The following TBC1D30 variants were observed in gnomAD, a reference collection of about 807,000 sequenced individuals.
TBC1D30 encodes TBC1 domain family member 30, also known as TBC1 domain family, member 30.
In TBC1D30, 31 loss-of-function variants were observed where a neutral mutation model predicts 63.2. The observed-to-expected ratio is 0.49, with a 90% confidence interval of 0.37 to 0.66. The LOEUF (loss-of-function observed/expected upper bound fraction) is 0.66. TBC1D30 is among the 30% of genes least tolerant of loss of function. TBC1D30 has a pLI of 0.00. For synonymous variants in TBC1D30, 307 were observed against 361.5 expected, an observed-to-expected ratio of 0.85 and a Z score of 1.71; for missense variants, 810 against 953.6, an observed-to-expected ratio of 0.85 and a Z score of 1.98.
At chr12:64,865,690 TA>T (rs1376269481) in intron 9 of TBC1D30, among the ~76,000 whole-genome samples, 8 of 152,156 alleles carry the variant, frequency 5.3e-5, no homozygotes, top group Non-Finnish European at 1.0e-4. Flanking sequence ...ACCCTGTCTC[TA>T]AAAAAATTAC....
At chr12:64,815,917 C>T (rs1254292724) in intron 2 of TBC1D30, among the ~76,000 whole-genome samples, 2 of 151,860 alleles carry the variant, frequency 1.3e-5, no homozygotes, top group African/African-American at 4.8e-5. Context: ...GGTACGATAG[C>T]CATGTACCAC....
Position 64,828,425 on chromosome 12 carries a change from A to T in TBC1D30, c.217-19A>T, listed in dbSNP as rs1310942489. The T allele has an allele frequency of 6.5e-7, 1 of 1,530,440 alleles. No individual in the cohort carries two copies. Among genetic ancestry groups the T allele is most frequent in the East Asian group, 2.4e-5 (1 of 40,876 alleles). 94.8% of individuals were successfully genotyped at this position (1,530,440 alleles called of 1,614,324 possible). ...TAGGTCACTGTGATCACCTCCTGGG[A>T]TTTCTTCTTTGTTCCTAGTGGTACG... is the stretch of plus-strand genomic sequence containing the variant. On this transcript the variant is annotated intron_variant, in intron 2 of 11. Coordinates refer to ENST00000539867, the MANE Select transcript of TBC1D30 (RefSeq NM_015279.2).
At position 64,880,570 on chromosome 12, in the gene TBC1D30, G is replaced by A. The variant is rs1399473429; in HGVS notation, c.*4782G>A. 6.6e-6 allele frequency: 1 copy of A among 152,198 alleles called. No individual in the cohort carries two copies. The highest frequency in any genetic ancestry group is 1.9e-4 in the East Asian group (1 of 5,198). 9.4% of individuals were successfully genotyped at this position (152,198 alleles called of 1,614,324 possible). On this transcript the variant is annotated 3_prime_UTR_variant, in exon 12 of 12. Transcript: ENST00000539867. ...GATAAGGGCACTAACCTCATCATGA[G>A]GGTCCCATCCTCCTGGTGTCATCTA...
intron 8 of TBC1D30, among the ~76,000 whole-genome samples, chr12:64,851,126 T>C (rs1015928132): frequency 6.6e-6 from 1 of 152,246 alleles, no homozygotes; most frequent in Non-Finnish European, 1.5e-5. Flanking sequence ...ATTTCCTGTA[T>C]CATTTTTTAT....
At chr12:64,780,779 C>T (rs1871226540) in exon 1 of TBC1D30, 3 of 988,932 alleles carry the variant, frequency 3.0e-6, no homozygotes, top group Non-Finnish European at 3.6e-6. Context: ...GGAGGAGCAG[C>T]GGGAGCCGGG....
At chr12:64,870,214 T>C (rs986455670) in intron 10 of TBC1D30, among the ~76,000 whole-genome samples, 4 of 152,238 alleles carry the variant, frequency 2.6e-5, no homozygotes, top group African/African-American at 9.6e-5. Context: ...CAATTCTGTA[T>C]AAATCCTCAT....
intron 8 of TBC1D30, among the ~76,000 whole-genome samples, chr12:64,856,167 G>C (rs762547477): frequency 6.6e-6 from 1 of 151,964 alleles, no homozygotes; most frequent in Non-Finnish European, 1.5e-5. Flanking sequence ...AGTTAGATGG[G>C]GGGGGTGGGG....
At chr12:64,788,809 G>GT (rs1410629541) in intron 2 of TBC1D30, among the ~76,000 whole-genome samples, 2 of 152,074 alleles carry the variant, frequency 1.3e-5, no homozygotes, top group Non-Finnish European at 2.9e-5. Flanking sequence ...GGAACAGAAT[G>GT]TTTTTTGGTA....
upstream of TBC1D30, among the ~76,000 whole-genome samples, chr12:64,776,183 A>T (rs992168004): frequency 1.3e-5 from 2 of 152,118 alleles, no homozygotes; most frequent in African/African-American, 4.8e-5. Flanking sequence ...CAAGTTAACA[A>T]CCTAATATCA....
chr12:64,879,528 C>A lies in TBC1D30; in HGVS notation c.*3740C>A, dbSNP rs1879321628. The A allele has an allele frequency of 6.6e-6, 1 of 152,160 alleles. No homozygotes were observed. The highest frequency in any genetic ancestry group is 1.5e-5 in the Non-Finnish European group (1 of 68,026). The allele number at this position is 152,160 out of a possible 1,614,324, so 9.4% of individuals were successfully genotyped here. On this transcript the variant is annotated 3_prime_UTR_variant, in exon 12 of 12. Transcript: ENST00000539867. Reference sequence around the variant, plus strand: ...GTTATACAAGTAGTGAATGAGAATGCCTGCTTCTCTACATCCTGGAAGAGG... The same window carrying A: ...GTTATACAAGTAGTGAATGAGAATGACTGCTTCTCTACATCCTGGAAGAGG...
rs1039855889 is a variant in TBC1D30, at chr12:64,878,895, A to G, written c.*3107A>G. The G allele has an allele frequency of 2.3e-5, 4 of 171,854 alleles. No homozygotes were observed. Among genetic ancestry groups the G allele is most frequent in the Non-Finnish European group, 5.1e-5 (4 of 79,072 alleles). 10.6% of individuals were successfully genotyped at this position (171,854 alleles called of 1,614,324 possible). Reference sequence around the variant, plus strand: ...GAGAGTTTACCTAAAATTAACCTTTAGATCTACTATTTATTTTTGTCTTAA... The same window carrying G: ...GAGAGTTTACCTAAAATTAACCTTTGGATCTACTATTTATTTTTGTCTTAA... On this transcript the variant is annotated 3_prime_UTR_variant, in exon 12 of 12. Coordinates refer to ENST00000539867, the MANE Select transcript of TBC1D30 (RefSeq NM_015279.2).
chr12:64,824,794 C>A lies in TBC1D30; in HGVS notation c.-86C>A, dbSNP rs1306186681. On this transcript the variant is annotated 5_prime_UTR_variant, in exon 1 of 12. Transcript: ENST00000539867. ...GGCCGGTCAGCCGCAGACACTCACCCAGCTCCGCGAGCTCAGCCGCTCAGC... is the reference window on the plus strand; with the variant it reads ...GGCCGGTCAGCCGCAGACACTCACCAAGCTCCGCGAGCTCAGCCGCTCAGC... 8.1e-6 allele frequency: 12 copies of A among 1,472,746 alleles called. No individual in the cohort carries two copies. In the South Asian group the frequency reaches 1.6e-4, roughly 20 times the overall value. 91.2% of individuals were successfully genotyped at this position (1,472,746 alleles called of 1,614,324 possible).
At chr12:64,781,431 TGG>T in intron 1 of TBC1D30, 14 of 876,458 alleles carry the variant, frequency 1.6e-5, no homozygotes, top group Non-Finnish European at 1.8e-5. Flanking sequence ...GTACCCACCG[TGG>T]CACAGATTTA....
intron 8 of TBC1D30, among the ~76,000 whole-genome samples, chr12:64,848,515 A>C (rs970859030): frequency 2.0e-5 from 3 of 151,934 alleles, no homozygotes; most frequent in Non-Finnish European, 4.4e-5. Flanking sequence ...ATAAGTGAGA[A>C]CCTGTGGTGT....
chr12:64,791,597 C>G (rs1871923270), intron 2 of TBC1D30, among the ~76,000 whole-genome samples: 1 of 152,126 alleles, frequency 6.6e-6, no homozygotes, highest in Non-Finnish European at 1.5e-5. Context: ...TCATTGCAAC[C>G]TATGCCTCCT....
chr12:64,792,360 A>G (rs1871974740), intron 2 of TBC1D30, among the ~76,000 whole-genome samples: 1 of 152,136 alleles, frequency 6.6e-6, no homozygotes, highest in Non-Finnish European at 1.5e-5. Flanking sequence ...TTCCTAAGCA[A>G]TATATGGTTC....
rs1879082283 is a variant in TBC1D30, at chr12:64,876,413, A to T, written c.*625A>T. The T allele has an allele frequency of 6.2e-6, 1 of 161,304 alleles. No homozygotes were observed. Among genetic ancestry groups the T allele is most frequent in the South Asian group, 1.8e-4 (1 of 5,596 alleles). 10.0% of individuals were successfully genotyped at this position (161,304 alleles called of 1,614,324 possible). A position where few individuals can be genotyped will look rare whatever the true frequency, so the allele number is the denominator to read the frequency against. On this transcript the variant is annotated 3_prime_UTR_variant, in exon 12 of 12. Coordinates refer to ENST00000539867, the MANE Select transcript of TBC1D30 (RefSeq NM_015279.2). ...TATTTCTACCTGCAAAATGAAGAAA[A>T]CCTTTCATCTGTTGAAATTTCAATC...
intron 2 of TBC1D30, among the ~76,000 whole-genome samples, chr12:64,806,119 A>G (rs1259784575): frequency 6.6e-6 from 1 of 152,244 alleles, no homozygotes; most frequent in Non-Finnish European, 1.5e-5. Flanking sequence ...CTTCAGCTGT[A>G]TGTACTGTTC....
Position 64,875,592 on chromosome 12 carries a change from A to T in TBC1D30, c.2090A>T (p.Lys697Ile). The stretch of plus-strand genomic sequence containing the variant: ...CCCGAAGAAAACAAAGCCACCAGCA[A>T]AGCTCCCCAAGGCAGCAACTCAAAA... Reference protein sequence around the residue: ...SAPEENKATSKAPQGSNSKTP... With the variant: ...SAPEENKATSIAPQGSNSKTP... The change falls in exon 12 of 12, where the codon AAA (lysine) becomes ATA (isoleucine). Residue 697 changes from lysine (K) to isoleucine (I), a missense_variant. Physicochemically the swap from Lys to Ile is moderately radical, Grantham distance 102. Transcript: ENST00000539867. The T allele has an allele frequency of 6.5e-7, 1 of 1,536,180 alleles. No individual in the cohort carries two copies. Among genetic ancestry groups the T allele is most frequent in the Non-Finnish European group, 8.7e-7 (1 of 1,146,908 alleles).
Sources: allele counts gnomAD v4.1 joint callset (sites outside exome capture counted in the v4.1 genomes callset), GRCh38; gene constraint gnomAD v4.1.1; transcripts MANE v1.5; gene names NCBI Gene and HGNC (gene_info 2026-07-23, HGNC 2026-07-21).